DENND6A: variants seen among roughly 807,000 people sequenced by gnomAD.
DENND6A encodes protein DENND6A.
Under a neutral mutation model 95.5 loss-of-function variants are expected in DENND6A, and 43 were observed. The observed-to-expected ratio is 0.45, with a 90% CI of 0.35 to 0.58. DENND6A has a LOEUF of 0.58. Ranked by LOEUF, DENND6A falls within the 20% of genes least tolerant of loss-of-function variation. The probability of loss-of-function intolerance (pLI) is 0.00; values close to 1 mark genes in which losing one functional copy is unlikely to be tolerated. For missense variants in DENND6A, 574 were observed against 736.0 expected, an observed-to-expected ratio of 0.78 and a Z score of 2.55; for synonymous variants, 257 against 260.4, an observed-to-expected ratio of 0.99 and a Z score of 0.13.
chr3:57,692,546 T>C (rs1435665831), intron 1 of DENND6A, among the ~76,000 whole-genome samples: 1 of 152,168 alleles, frequency 6.6e-6, no homozygotes, highest in East Asian at 1.9e-4. Context: ...AGGATGAACA[T>C]CAACAAGTAT....
Position 57,658,520 on chromosome 3 carries a change from C to A in DENND6A, c.762+598G>T, listed in dbSNP as rs970773222. The stretch of plus-strand genomic sequence containing the variant: ...TCCAGCCTGGGAGACAGAGGGAGAC[C>A]CTGTCCTTGTTTAAGAAAAAATTAA... On this transcript the variant is annotated intron_variant, in intron 8 of 19. Transcript: ENST00000311128. Among the ~76,000 whole-genome samples, 97 of 152,140 alleles carry A rather than the reference C, an allele frequency of 6.4e-4. 3 individuals are homozygous for A. Among genetic ancestry groups the A allele is most frequent in the Middle Eastern group, 3.4e-3 (1 of 294 alleles).
At chr3:57,650,848 G>A (rs1053685455) in intron 9 of DENND6A, among the ~76,000 whole-genome samples, 10 of 149,468 alleles carry the variant, frequency 6.7e-5, no homozygotes, top group Non-Finnish European at 1.0e-4. Flanking sequence ...GCAATGGCGC[G>A]ATCTTGGCTC....
At chr3:57,668,290 G>A (rs2071558276) in intron 3 of DENND6A, among the ~76,000 whole-genome samples, 1 of 152,158 alleles carries the variant, frequency 6.6e-6, no homozygotes, top group East Asian at 1.9e-4. Flanking sequence ...GAAGAAATGT[G>A]TTGAGACGAA....
At chr3:57,649,800 AC>A (rs1409560979) in intron 9 of DENND6A, among the ~76,000 whole-genome samples, 1 of 147,204 alleles carries the variant, frequency 6.8e-6, no homozygotes, top group Non-Finnish European at 1.5e-5. Flanking sequence ...TGTTGGATTG[AC>A]CCCCCACCCC....
rs538384776 is a variant in DENND6A at position 57,684,673 on chromosome 3, C to T, written c.237+8109G>A. On this transcript the variant is annotated intron_variant, in intron 1 of 19. Transcript: ENST00000311128. ...TTGGTACACACCTGTAGTCCAGCTA[C>T]TTGACAGGCTGAGGTGAGAGAATTG... is the stretch of plus-strand genomic sequence containing the variant. Among the ~76,000 whole-genome samples the T allele has an allele frequency of 1.1e-4, 16 of 152,258 alleles. No homozygotes were observed. The East Asian group carries it at 2.9e-3, about 28-fold the overall frequency.
chr3:57,674,450 G>A lies in DENND6A; in HGVS notation c.238-2012C>T, dbSNP rs988011674. ...GTTCAAGACCAGCCTGGCCAACAAGGTAAAACCCCATCTCTACTAAAAATA... is the reference window on the plus strand; with the variant it reads ...GTTCAAGACCAGCCTGGCCAACAAGATAAAACCCCATCTCTACTAAAAATA... On this transcript the variant is annotated intron_variant, in intron 1 of 19. Transcript: ENST00000311128. Among the ~76,000 whole-genome samples, 3 of 151,884 alleles carry A rather than the reference G, an allele frequency of 2.0e-5. No homozygotes were observed. In the South Asian group the frequency reaches 6.2e-4, roughly 32 times the overall value.
At chr3:57,637,104 C>G (rs1476878826) in intron 12 of DENND6A, among the ~76,000 whole-genome samples, 1 of 152,094 alleles carries the variant, frequency 6.6e-6, no homozygotes, top group Non-Finnish European at 1.5e-5. Context: ...GTCTCTGGTC[C>G]AAGAATACTG....
intron 1 of DENND6A, among the ~76,000 whole-genome samples, chr3:57,672,741 C>T (rs1423024670): frequency 6.6e-6 from 1 of 152,014 alleles, no homozygotes; most frequent in Non-Finnish European, 1.5e-5. Context: ...CGAGATCATG[C>T]CACTGCACTC....
rs1401038432 is a variant in DENND6A, at chr3:57,660,750, A to G, written c.699+10T>C. 2 of 1,592,644 alleles carry G rather than the reference A, an allele frequency of 1.3e-6. No individual in the cohort carries two copies. The highest frequency in any genetic ancestry group is 2.7e-5 in the African/African-American group (2 of 73,560). On this transcript the variant is annotated intron_variant, in intron 7 of 19. Coordinates refer to ENST00000311128, the MANE Select transcript of DENND6A (RefSeq NM_152678.3). ...AATAAAAAGGAGACAATTGAGATAT[A>G]AGATATTACCTTCATTACCACCCCC...
chr3:57,690,231 C>T (rs1419013940), intron 1 of DENND6A, among the ~76,000 whole-genome samples: 5 of 149,658 alleles, frequency 3.3e-5, no homozygotes, highest in Non-Finnish European at 5.9e-5. Flanking sequence ...GCAGGCCAGG[C>T]GCGGTGGCTC....
At chr3:57,659,923 G>A (rs1008191642) in intron 7 of DENND6A, among the ~76,000 whole-genome samples, 2 of 152,138 alleles carry the variant, frequency 1.3e-5, no homozygotes, top group African/African-American at 4.8e-5. Flanking sequence ...CATCTCTGGA[G>A]GCACTGGCAG....
At chr3:57,635,197 T>C (rs763018818) in intron 12 of DENND6A, among the ~76,000 whole-genome samples, 25 of 149,828 alleles carry the variant, frequency 1.7e-4, no homozygotes, top group Non-Finnish European at 2.8e-4. Flanking sequence ...CAAGGGTTTG[T>C]GGGGTTTTGT....
chr3:57,692,699 G>T (rs986854799), intron 1 of DENND6A, 83 bp downstream of exon 1: 16 of 1,281,388 alleles, frequency 1.2e-5, no homozygotes, highest in Non-Finnish European at 1.6e-5. Flanking sequence ...GGTCCTGGCC[G>T]GTCAGCCCGC....
intron 1 of DENND6A, among the ~76,000 whole-genome samples, chr3:57,683,587 C>T (rs1174897216): frequency 2.0e-5 from 3 of 152,162 alleles, no homozygotes; most frequent in Non-Finnish European, 4.4e-5. Flanking sequence ...GCAGTTCATA[C>T]AACTCAGAAA....
In DENND6A at chr3:57,641,639, A is replaced by G. The variant is rs769983071; in HGVS notation, c.1132+14T>C. ...ACTGCACACTAGAAACAGAACACCA[A>G]GTTTATACTTTACCTGTAGGTTTAA... On this transcript the variant is annotated intron_variant, in intron 12 of 19. Transcript: ENST00000311128. The G allele has an allele frequency of 1.9e-6, 3 of 1,601,828 alleles. No homozygotes were observed. The highest frequency in any genetic ancestry group is 8.5e-7 in the Non-Finnish European group (1 of 1,173,374).
intron 1 of DENND6A, among the ~76,000 whole-genome samples, chr3:57,690,135 A>G (rs2077248349): frequency 6.6e-6 from 1 of 150,606 alleles, no homozygotes; most frequent in Non-Finnish European, 1.5e-5. Flanking sequence ...ACTTGAGGTC[A>G]GGAGTTCAAG....
chr3:57,644,153 A>G (rs1575825702), intron 11 of DENND6A, among the ~76,000 whole-genome samples: 2 of 151,890 alleles, frequency 1.3e-5, no homozygotes, highest in African/African-American at 4.8e-5. Context: ...CCATCTCAAA[A>G]AAAAAAAAAA....
At chr3:57,679,593 G>T (rs536007853) in intron 1 of DENND6A, 1 of 982,680 alleles carries the variant, frequency 1.0e-6, no homozygotes, top group Non-Finnish European at 1.2e-6. Context: ...CCATGTTTTG[G>T]TCCTAATTAG....
intron 9 of DENND6A, among the ~76,000 whole-genome samples, chr3:57,649,134 AT>A (rs1170212864): frequency 6.6e-6 from 1 of 152,230 alleles, no homozygotes; most frequent in Admixed American, 6.5e-5. Context: ...AATATCCAGA[AT>A]CTATAAGGAA....
Sources: allele counts gnomAD v4.1 joint callset (sites outside exome capture counted in the v4.1 genomes callset), GRCh38; gene constraint gnomAD v4.1.1; transcripts MANE v1.5; gene names NCBI Gene and HGNC (gene_info 2026-07-23, HGNC 2026-07-21).